Variants in TMEM117 observed in about 807,000 individuals in gnomAD.
The protein encoded by TMEM117 is transmembrane protein 117.
A neutral mutation model predicts 52.4 loss-of-function variants in TMEM117; 27 were observed. The ratio of observed to expected loss-of-function variants is 0.51; its 90% CI spans 0.38 to 0.71. The LOEUF (loss-of-function observed/expected upper bound fraction) is 0.71, where lower values mean the gene tolerates loss of function less well. Among genes scored for constraint, TMEM117 ranks in the 30% least tolerant of loss-of-function variants. The pLI, the probability that TMEM117 is intolerant of heterozygous loss-of-function variation, is 0.00. For missense variants in TMEM117, 556 were observed against 630.5 expected, an observed-to-expected ratio of 0.88 and a Z score of 1.26; for synonymous variants, 215 against 206.3, an observed-to-expected ratio of 1.04 and a Z score of -0.36.
intron 3 of TMEM117, among the ~76,000 whole-genome samples, chr12:44,142,963 T>A (rs1421613227): frequency 6.6e-6 from 1 of 152,218 alleles, no homozygotes; most frequent in African/African-American, 2.4e-5. Context: ...CATTCTCTTA[T>A]TTATATTTCA....
At chr12:43,989,837 G>A (rs892598237) in intron 3 of TMEM117, among the ~76,000 whole-genome samples, 22 of 151,972 alleles carry the variant, frequency 1.4e-4, no homozygotes, top group African/African-American at 5.1e-4. Flanking sequence ...CTTCATTTAA[G>A]AACTTAGATC....
At chr12:43,935,175 T>G (rs866091546) in intron 2 of TMEM117, among the ~76,000 whole-genome samples, 3 of 152,116 alleles carry the variant, frequency 2.0e-5, no homozygotes, top group South Asian at 2.1e-4. Flanking sequence ...CCTGGCTAAT[T>G]TTTTGTATTA....
chr12:43,802,832 C>T, the TMEM117 span, among the ~76,000 whole-genome samples: 1 of 152,054 alleles, frequency 6.6e-6, no homozygotes. Flanking sequence ...AACTACCATT[C>T]AAAAGTATAA....
At chr12:44,315,450 T>C (rs1164606251) in intron 6 of TMEM117, among the ~76,000 whole-genome samples, 1 of 152,234 alleles carries the variant, frequency 6.6e-6, no homozygotes, top group East Asian at 1.9e-4. Context: ...CTATGTTGTG[T>C]TGACTGTTCG....
At chr12:44,371,280 G>A (rs1022579612) in intron 6 of TMEM117, among the ~76,000 whole-genome samples, 1 of 152,082 alleles carries the variant, frequency 6.6e-6, no homozygotes, top group Non-Finnish European at 1.5e-5. Flanking sequence ...TATGAAATAC[G>A]GGGCATAGAG....
intron 6 of TMEM117, among the ~76,000 whole-genome samples, chr12:44,346,639 CTG>C (rs1395918443): frequency 2.2e-4 from 34 of 152,264 alleles, no homozygotes; most frequent in African/African-American, 6.3e-4. Context: ...GTTCCCCAGA[CTG>C]TGTCACTTCA....
At chr12:44,033,559 A>G (rs1442374374) in intron 3 of TMEM117, among the ~76,000 whole-genome samples, 3 of 152,208 alleles carry the variant, frequency 2.0e-5, no homozygotes, top group Admixed American at 2.0e-4. Flanking sequence ...GAAAGCCAAC[A>G]AGCTCAGCTA....
At chr12:44,103,214 C>G (rs770259281) in intron 3 of TMEM117, among the ~76,000 whole-genome samples, 1 of 150,420 alleles carries the variant, frequency 6.6e-6, no homozygotes, top group Non-Finnish European at 1.5e-5. Context: ...CTTTTCTCAG[C>G]ATAACTCCAT....
At chr12:43,995,059 G>A (rs745624222) in intron 3 of TMEM117, among the ~76,000 whole-genome samples, 3 of 151,930 alleles carry the variant, frequency 2.0e-5, no homozygotes, top group South Asian at 2.1e-4. Context: ...GGTGGATCAC[G>A]AGGTCAGGAG....
chr12:44,094,056 C>T (rs767232804), intron 3 of TMEM117, among the ~76,000 whole-genome samples: 15 of 151,884 alleles, frequency 9.9e-5, no homozygotes, highest in Non-Finnish European at 1.6e-4. Context: ...TAGCTGTGTC[C>T]CTTATGATGT....
intron 3 of TMEM117, among the ~76,000 whole-genome samples, chr12:44,042,241 T>C (rs887217640): frequency 7.2e-5 from 11 of 152,204 alleles, no homozygotes; most frequent in Non-Finnish European, 1.3e-4. Context: ...TATTCATTTT[T>C]TTCATGTTTG....
At chr12:44,180,126 A>C (rs539982661) in intron 4 of TMEM117, among the ~76,000 whole-genome samples, 1 of 152,082 alleles carries the variant, frequency 6.6e-6, no homozygotes, top group Admixed American at 6.5e-5. Flanking sequence ...GCACCAAAAA[A>C]TGTGGCCCCT....
chr12:43,861,152 T>A (rs1362607002), intron 2 of TMEM117, among the ~76,000 whole-genome samples: 1 of 152,222 alleles, frequency 6.6e-6, no homozygotes, highest in African/African-American at 2.4e-5. Context: ...GTAATAGTAT[T>A]TTCAGCAGTG....
chr12:44,118,540 C>T (rs1274305489), intron 3 of TMEM117, among the ~76,000 whole-genome samples: 34 of 152,142 alleles, frequency 2.2e-4, no homozygotes, highest in Non-Finnish European at 1.8e-4. Context: ...GCAAGGGCAG[C>T]TCAGAATGGC....
intron 3 of TMEM117, among the ~76,000 whole-genome samples, chr12:44,102,464 T>G (rs894966644): frequency 2.0e-5 from 3 of 151,894 alleles, no homozygotes; most frequent in Non-Finnish European, 2.9e-5. Context: ...GTCTCTCTCT[T>G]CCTCTATCCA....
intron 6 of TMEM117, among the ~76,000 whole-genome samples, chr12:44,354,999 A>G (rs370492622): frequency 2.6e-5 from 4 of 152,052 alleles, no homozygotes; most frequent in Non-Finnish European, 4.4e-5. Context: ...CAGCATACTC[A>G]TAATAAATAC....
At chr12:43,836,458 G>C (rs557951944) in intron 1 of TMEM117, among the ~76,000 whole-genome samples, 78 of 152,284 alleles carry the variant, frequency 5.1e-4, no homozygotes, top group Admixed American at 1.4e-3. Context: ...TAAGGGCAGA[G>C]GAGACTCCCG....
intron 4 of TMEM117, among the ~76,000 whole-genome samples, chr12:44,208,823 A>G (rs1949608673): frequency 6.9e-6 from 1 of 144,958 alleles, no homozygotes; most frequent in Non-Finnish European, 1.5e-5. Flanking sequence ...AGCTGTAGTA[A>G]TTGGTCATAC....
At chr12:44,189,213 T>A (rs1207176402) in intron 4 of TMEM117, among the ~76,000 whole-genome samples, 2 of 152,170 alleles carry the variant, frequency 1.3e-5, no homozygotes, top group Admixed American at 6.6e-5. Context: ...TATGAATGAA[T>A]AACTCCAATA....
Sources: allele counts gnomAD v4.1 joint callset (sites outside exome capture counted in the v4.1 genomes callset), GRCh38; gene constraint gnomAD v4.1.1; transcripts MANE v1.5; gene names NCBI Gene and HGNC (gene_info 2026-07-23, HGNC 2026-07-21).